The following MEMO1 variants were observed in gnomAD, a reference collection of about 807,000 sequenced individuals.
MEMO1 encodes the protein mediator of cell motility 1.
In MEMO1, 6 loss-of-function variants were observed where a neutral mutation model predicts 45.2. The observed-to-expected ratio is 0.13, with a 90% CI of 0.07 to 0.26. MEMO1 has a LOEUF of 0.26. MEMO1 is among the 10% of genes least tolerant of loss of function. The pLI is 1.00. For synonymous variants in MEMO1, 78 were observed against 124.3 expected (o/e 0.63, Z 2.48); for missense variants, 184 against 370.5 (o/e 0.50, Z 4.13).
chr2:31,961,700 C>T (rs1668027673), intron 2 of MEMO1, among the ~76,000 whole-genome samples: 1 of 151,906 alleles, frequency 6.6e-6, no homozygotes, highest in Admixed American at 6.6e-5. Context: ...ATCATTTGTG[C>T]CTGGGAGGCA....
chr2:31,923,277 A>T (rs1425250593), intron 4 of MEMO1, among the ~76,000 whole-genome samples: 1 of 152,078 alleles, frequency 6.6e-6, no homozygotes, highest in Non-Finnish European at 1.5e-5. Flanking sequence ...TTCTTTTGAA[A>T]AGTGTCTGTT....
At chr2:31,987,817 A>G (rs142229215) in intron 2 of MEMO1, among the ~76,000 whole-genome samples, 36 of 152,276 alleles carry the variant, frequency 2.4e-4, no homozygotes, top group Admixed American at 2.3e-3. Context: ...ACCTTAGTGT[A>G]TGGTAAAAAA....
intron 7 of MEMO1, among the ~76,000 whole-genome samples, chr2:31,886,519 T>G (rs1316680947): frequency 6.6e-6 from 1 of 152,082 alleles, no homozygotes; most frequent in African/African-American, 2.4e-5. Context: ...AAAATTTTAT[T>G]TAATAATAAA....
chr2:31,884,959 G>T (rs1441963643), intron 7 of MEMO1, among the ~76,000 whole-genome samples: 2 of 151,948 alleles, frequency 1.3e-5, no homozygotes, highest in African/African-American at 4.8e-5. Context: ...TTAAAACAAT[G>T]ATAATTTATT....
rs375894934 is a variant in MEMO1, at chr2:31,932,120, C to T, written c.159G>A (p.Thr53=). 22 of 1,613,414 alleles carry T rather than the reference C, an allele frequency of 1.4e-5. No homozygotes were observed. Among genetic ancestry groups the T allele is most frequent in the South Asian group, 3.3e-5 (3 of 90,994 alleles). Residue 53 remains threonine, a synonymous_variant, in exon 4 of 10, where the codon ACG becomes ACA. Transcript: ENST00000404530. The part of the protein sequence containing the change: ...RAIIAPHAGY[T]YCGSCAAHAY... ...CATGGGCAGCACAAGACCCACAGTACGTATATCCTGCATGGCTACAAAACA... is the reference window on the plus strand; with the variant it reads ...CATGGGCAGCACAAGACCCACAGTATGTATATCCTGCATGGCTACAAAACA...
intron 2 of MEMO1, among the ~76,000 whole-genome samples, chr2:31,988,750 C>A (rs1164838288): frequency 2.0e-5 from 3 of 152,074 alleles, no homozygotes; most frequent in Non-Finnish European, 4.4e-5. Flanking sequence ...TATACAACTT[C>A]TTAATATTCT....
chr2:31,875,145 G>C (rs1175841964), intron 8 of MEMO1, among the ~76,000 whole-genome samples: 1 of 151,946 alleles, frequency 6.6e-6, no homozygotes, highest in Non-Finnish European at 1.5e-5. Context: ...AAGTCCAAAT[G>C]TTAAAATCAA....
intron 2 of MEMO1, among the ~76,000 whole-genome samples, chr2:31,988,396 A>G (rs1671531902): frequency 6.6e-6 from 1 of 151,926 alleles, no homozygotes; most frequent in African/African-American, 2.4e-5. Flanking sequence ...AAAATACAGA[A>G]ATTAGCTGGG....
intron 2 of MEMO1, among the ~76,000 whole-genome samples, chr2:31,999,768 T>C (rs1235690514): frequency 6.6e-6 from 1 of 152,082 alleles, no homozygotes; most frequent in Non-Finnish European, 1.5e-5. Flanking sequence ...GTTCCTCAAA[T>C]ATTCCAGGCC....
intron 7 of MEMO1, among the ~76,000 whole-genome samples, chr2:31,889,496 C>T (rs1676645062): frequency 6.6e-6 from 1 of 152,018 alleles, no homozygotes; most frequent in Admixed American, 6.6e-5. Context: ...ATATGGCACA[C>T]TTACTAATTT....
chr2:31,900,381 G>A (rs1300868395), intron 6 of MEMO1, among the ~76,000 whole-genome samples: 1 of 152,108 alleles, frequency 6.6e-6, no homozygotes. Context: ...TCCTTTGCAG[G>A]GACATGGATG....
At chr2:31,880,486 T>C (rs531346726) in intron 8 of MEMO1, among the ~76,000 whole-genome samples, 2 of 152,310 alleles carry the variant, frequency 1.3e-5, no homozygotes, top group Non-Finnish European at 2.9e-5. Context: ...CATGATATAT[T>C]CTATTTATAC....
At chr2:31,991,953 T>C (rs768018838) in intron 2 of MEMO1, among the ~76,000 whole-genome samples, 7 of 152,254 alleles carry the variant, frequency 4.6e-5, no homozygotes, top group Non-Finnish European at 7.3e-5. Context: ...AACTCCCTTA[T>C]ACTTAAAAGT....
intron 2 of MEMO1, among the ~76,000 whole-genome samples, chr2:32,009,236 C>A (rs894710685): frequency 7.2e-5 from 11 of 152,180 alleles, no homozygotes; most frequent in African/African-American, 2.4e-4. Context: ...TTAGGTAGTT[C>A]CAGCACCTGC....
chr2:31,875,068 T>C (rs1282148302), intron 8 of MEMO1, among the ~76,000 whole-genome samples: 3 of 151,960 alleles, frequency 2.0e-5, no homozygotes, highest in African/African-American at 4.8e-5. Flanking sequence ...AGAACACTTA[T>C]GAGCCATTTA....
chr2:31,978,987 A>C (rs1670332415), intron 2 of MEMO1, among the ~76,000 whole-genome samples: 1 of 152,116 alleles, frequency 6.6e-6, no homozygotes, highest in African/African-American at 2.4e-5. Context: ...GTCTTGATGT[A>C]TTTCACACTG....
chr2:31,869,831 T>C lies in MEMO1; in HGVS notation c.762+17A>G. Reference sequence around the variant, plus strand: ...ATGACCAAATGTTAAAAGTCAAGGCTTCCTAAGGATACTCACATTTAATAA... The same window carrying C: ...ATGACCAAATGTTAAAAGTCAAGGCCTCCTAAGGATACTCACATTTAATAA... On this transcript the variant is annotated intron_variant, in intron 9 of 9. Transcript: ENST00000404530. 1 of 1,568,044 alleles carries C rather than the reference T, an allele frequency of 6.4e-7. No homozygotes were observed. Among genetic ancestry groups the C allele is most frequent in the Admixed American group, 2.1e-5 (1 of 46,750 alleles).
At chr2:32,007,046 T>A (rs1273636948) in intron 2 of MEMO1, among the ~76,000 whole-genome samples, 1 of 151,878 alleles carries the variant, frequency 6.6e-6, no homozygotes, top group Admixed American at 6.6e-5. Context: ...TTGCATCATA[T>A]TAGTCCCCTA....
intron 2 of MEMO1, among the ~76,000 whole-genome samples, chr2:31,982,091 G>A (rs951144381): frequency 6.6e-6 from 1 of 151,996 alleles, no homozygotes; most frequent in Admixed American, 6.6e-5. Context: ...GAGGTCAGGA[G>A]ATTGAGACCA....
Sources: allele counts gnomAD v4.1 joint callset (sites outside exome capture counted in the v4.1 genomes callset), GRCh38; gene constraint gnomAD v4.1.1; transcripts MANE v1.5; gene names NCBI Gene and HGNC (gene_info 2026-07-23, HGNC 2026-07-21).